EML1: variants seen among roughly 807,000 people sequenced by gnomAD.
EML1 encodes the protein echinoderm microtubule-associated protein-like 1.
In EML1, 27 loss-of-function variants were observed where a neutral mutation model predicts 110.4. That is an observed-to-expected ratio of 0.24 (90% CI 0.18 to 0.34). EML1 has a LOEUF of 0.34. EML1 is among the 10% of genes least tolerant of loss of function. The pLI is 1.00. For synonymous variants in EML1, 344 were observed against 385.8 expected (o/e 0.89, Z 1.27); for missense variants, 741 against 1,030.9 (o/e 0.72, Z 3.85).
intron 10 of EML1, among the ~76,000 whole-genome samples, chr14:99,908,377 C>G (rs184353056): frequency 6.6e-6 from 1 of 152,204 alleles, no homozygotes; most frequent in African/African-American, 2.4e-5. Flanking sequence ...TTTATAGACT[C>G]GAATTCAGAT....
At chr14:99,756,820 C>A (rs2057260854) in intron 1 of EML1, among the ~76,000 whole-genome samples, 1 of 152,132 alleles carries the variant, frequency 6.6e-6, no homozygotes, top group Non-Finnish European at 1.5e-5. Flanking sequence ...CACAAAGACT[C>A]TCAACCCCCC....
chr14:99,790,865 C>CTTTTTTTTTTTTTTTTTT (rs763959981), upstream of EML1, among the ~76,000 whole-genome samples: 74 of 138,520 alleles, frequency 5.3e-4, 4 homozygotes, highest in African/African-American at 9.8e-4. Context: ...TTTTTCTTTT[C>CTTTTTTTTTTTTTTTTTT]CTTTTTTTTT....
At chr14:99,850,277 G>A in intron 1 of EML1, 1 of 1,288,416 alleles carries the variant, frequency 7.8e-7, no homozygotes, top group Non-Finnish European at 1.0e-6. Flanking sequence ...GAGAGGCGAA[G>A]AAGATCACGG....
intron 16 of EML1, among the ~76,000 whole-genome samples, chr14:99,919,392 G>A (rs562089540): frequency 6.8e-6 from 1 of 146,034 alleles, no homozygotes; most frequent in Non-Finnish European, 1.5e-5. Flanking sequence ...GAAAACGTTT[G>A]TATAGCCACA....
rs750056188 is a variant in EML1, at chr14:99,877,108, G to A, written c.384-1377G>A. Among the ~76,000 whole-genome samples the A allele has an allele frequency of 1.2e-4, 19 of 152,090 alleles. 1 individual carries two copies. The highest frequency in any genetic ancestry group is 2.4e-4 in the Non-Finnish European group (16 of 68,022). On this transcript the variant is annotated intron_variant, in intron 3 of 21. Coordinates refer to ENST00000262233, the MANE Select transcript of EML1 (RefSeq NM_004434.3). ...ATATGTCTCACCATCCTGGAGGCTG[G>A]GAGTCCGAGACCAGGGGGGCCAGCA...
intron 2 of EML1, among the ~76,000 whole-genome samples, chr14:99,852,352 C>T (rs961888581): frequency 2.0e-5 from 3 of 152,212 alleles, no homozygotes; most frequent in South Asian, 2.1e-4. Flanking sequence ...CAGTGGCACA[C>T]GCCTGTAATC....
At chr14:99,819,991 G>A (rs1438409326) in intron 1 of EML1, among the ~76,000 whole-genome samples, 3 of 152,160 alleles carry the variant, frequency 2.0e-5, no homozygotes, top group Non-Finnish European at 4.4e-5. Context: ...TATCACCTAG[G>A]CCACCAATTA....
chr14:99,850,417 G>A lies in EML1; in HGVS notation c.68-436G>A. ...CCTTCAGAGTCTTGACCGATGGATA[G>A]GGTGGCCTTGTGATTGTATGACCTA... On this transcript the variant is annotated intron_variant, in intron 1 of 21. Coordinates refer to ENST00000262233, the MANE Select transcript of EML1 (RefSeq NM_004434.3). 5 of 1,172,432 alleles carry A rather than the reference G, an allele frequency of 4.3e-6. No individual in the cohort carries two copies. In the South Asian group the frequency reaches 5.2e-5, roughly 12 times the overall value. The allele number at this position is 1,172,432 out of a possible 1,614,324, so 72.6% of individuals were successfully genotyped here.
intron 3 of EML1, among the ~76,000 whole-genome samples, chr14:99,872,880 G>T (rs2059228636): frequency 6.6e-6 from 1 of 151,764 alleles, no homozygotes; most frequent in Non-Finnish European, 1.5e-5. Flanking sequence ...TGTGTGGATG[G>T]GTATATGTTT....
chr14:99,899,703 TG>T (rs2059728658), intron 8 of EML1, among the ~76,000 whole-genome samples: 1 of 126,224 alleles, frequency 7.9e-6, no homozygotes, highest in Admixed American at 8.1e-5. Context: ...TTAAATTGAA[TG>T]GGTCTTTCAA....
chr14:99,762,634 C>T (rs1054418567), intron 1 of EML1, among the ~76,000 whole-genome samples: 2 of 152,144 alleles, frequency 1.3e-5, no homozygotes, highest in Admixed American at 6.5e-5. Flanking sequence ...CCTTTCCGTA[C>T]AAAAAATTTT....
chr14:99,911,731 G>A (rs749689041), intron 13 of EML1, 155 bp downstream of exon 13: 13 of 825,096 alleles, frequency 1.6e-5, no homozygotes, highest in Non-Finnish European at 2.3e-5. Flanking sequence ...CCTGAGGCAG[G>A]TTAAATATAA....
intron 2 of EML1, among the ~76,000 whole-genome samples, chr14:99,852,761 A>C (rs1595381210): frequency 6.6e-6 from 1 of 152,102 alleles, no homozygotes; most frequent in Admixed American, 6.6e-5. Flanking sequence ...GCATTTCCAC[A>C]CATCTGTGGG....
chr14:99,911,019 G>A (rs185942344), intron 12 of EML1, among the ~76,000 whole-genome samples: 23 of 152,274 alleles, frequency 1.5e-4, no homozygotes, highest in Admixed American at 1.2e-3. Flanking sequence ...TTGGCTCTAG[G>A]TGTCTTATTC....
At chr14:99,814,606 A>G (rs1411749233) in intron 1 of EML1, among the ~76,000 whole-genome samples, 1 of 152,234 alleles carries the variant, frequency 6.6e-6, no homozygotes, top group Admixed American at 6.5e-5. Context: ...TTAATAGGTC[A>G]TGAAACTATA....
chr14:99,920,839 A>G lies in EML1; in HGVS notation c.1871A>G (p.Asp624Gly), dbSNP rs1270326922. Residue 624 changes from aspartate to glycine, a missense_variant, in exon 17 of 22, where the codon GAT becomes GGT. Asp to Gly is a moderately conservative substitution (Grantham distance 94). Coordinates refer to ENST00000262233, the MANE Select transcript of EML1 (RefSeq NM_004434.3). ...AAAGACTTGGTCACCGTTCACACAG[A>G]TGGAAACGAACAGCTCTCTGTAATG... ...ETKDLVTVHTDGNEQLSVMRY... is the reference protein window; with the variant it reads ...ETKDLVTVHTGGNEQLSVMRY... 3 of 1,613,876 alleles carry G rather than the reference A, an allele frequency of 1.9e-6. No individual in the cohort carries two copies. Among genetic ancestry groups the G allele is most frequent in the Non-Finnish European group, 2.5e-6 (3 of 1,180,000 alleles).
Position 99,830,546 on chromosome 14 carries a change from C to CTTTTTGTTTTT in EML1, c.68-20303_68-20293dup, listed in dbSNP as rs1555393913. 9.3e-5 allele frequency among the ~76,000 whole-genome samples: 14 copies of CTTTTTGTTTTT among 151,210 alleles called. No individual in the cohort carries two copies. The South Asian group carries it at 2.5e-3, about 27-fold the overall frequency. The stretch of plus-strand genomic sequence containing the variant: ...ACTTTTTGGAGCATTCATGTTTTGC[C>CTTTTTGTTTTT]TTTTTGTTTTTTTTGTTTTTTGAGA... On this transcript the variant is annotated intron_variant, in intron 1 of 21. Transcript: ENST00000262233.
intron 1 of EML1, among the ~76,000 whole-genome samples, chr14:99,782,945 A>C (rs1404498587): frequency 6.6e-6 from 1 of 152,060 alleles, no homozygotes; most frequent in Non-Finnish European, 1.5e-5. Context: ...CAATCTAGAC[A>C]ATCTTCTTTC....
At chr14:99,898,127 A>G (rs567245518) in intron 7 of EML1, 106 bp from the exon 8 acceptor site, 14 of 881,086 alleles carry the variant, frequency 1.6e-5, no homozygotes, top group African/African-American at 1.2e-4. Context: ...GAAGTTAGGC[A>G]TTATATATTT....
Sources: gnomAD v4.1 joint callset for allele counts (sites outside exome capture counted in the v4.1 genomes callset) on GRCh38, gnomAD v4.1.1 for gene constraint, MANE v1.5 for transcripts, NCBI Gene and HGNC (gene_info 2026-07-23, HGNC 2026-07-21) for gene names.